PSD3: variants seen among roughly 807,000 people sequenced by gnomAD.
PSD3 encodes PH and SEC7 domain-containing protein 3.
A neutral mutation model predicts 105.5 loss-of-function variants in PSD3; 49 were observed. That is an observed-to-expected ratio of 0.46 (90% CI 0.37 to 0.59). The LOEUF is 0.59. Among genes scored for constraint, PSD3 ranks in the 20% least tolerant of loss-of-function variants. The pLI is 0.00. For synonymous variants in PSD3, 557 were observed against 457.8 expected, an observed-to-expected ratio of 1.22 and a Z score of -2.77; for missense variants, 1,561 against 1,263.8, an observed-to-expected ratio of 1.24 and a Z score of -3.57.
chr8:18,903,656 C>T (rs1481537222), intron 2 of PSD3, among the ~76,000 whole-genome samples: 1 of 152,166 alleles, frequency 6.6e-6, no homozygotes, highest in Non-Finnish European at 1.5e-5. Flanking sequence ...CTTAGCTCAG[C>T]CAGGGCACTG....
intron 2 of PSD3, among the ~76,000 whole-genome samples, chr8:18,880,001 T>A (rs954373015): frequency 6.6e-6 from 1 of 152,212 alleles, no homozygotes; most frequent in Non-Finnish European, 1.5e-5. Context: ...TTAATTATCA[T>A]GTCCCTAAGG....
chr8:19,047,109 A>G (rs2129476950), intron 1 of PSD3, among the ~76,000 whole-genome samples: 1 of 152,304 alleles, frequency 6.6e-6, no homozygotes, highest in African/African-American at 2.4e-5. Context: ...CTACACAGGG[A>G]CATAAATCTC....
chr8:18,771,616 T>C (rs1036526759), intron 8 of PSD3, among the ~76,000 whole-genome samples: 2 of 152,248 alleles, frequency 1.3e-5, no homozygotes, highest in African/African-American at 2.4e-5. Context: ...CCCCACCAAA[T>C]TGTTTTGAAA....
intron 9 of PSD3, among the ~76,000 whole-genome samples, chr8:18,701,972 T>C (rs1230104691): frequency 1.3e-5 from 2 of 152,168 alleles, no homozygotes; most frequent in Non-Finnish European, 2.9e-5. Flanking sequence ...TATGTGAAAT[T>C]ACATGAAAGA....
At chr8:18,722,626 T>C (rs561739397) in intron 9 of PSD3, among the ~76,000 whole-genome samples, 1 of 152,276 alleles carries the variant, frequency 6.6e-6, no homozygotes, top group Non-Finnish European at 1.5e-5. Flanking sequence ...ATATAATCAT[T>C]AGAGAAAGAT....
chr8:18,668,087 G>A (rs917899194), intron 9 of PSD3, among the ~76,000 whole-genome samples: 12 of 152,208 alleles, frequency 7.9e-5, no homozygotes, highest in South Asian at 2.1e-4. Flanking sequence ...CCAGCAAGCT[G>A]AGGGAGCCGG....
intron 15 of PSD3, among the ~76,000 whole-genome samples, chr8:18,553,859 T>C (rs986340072): frequency 6.6e-6 from 1 of 152,320 alleles, no homozygotes; most frequent in Admixed American, 6.5e-5. Context: ...GCCTTTCTGA[T>C]AGACACAGGT....
intron 9 of PSD3, among the ~76,000 whole-genome samples, chr8:18,748,830 C>G (rs1343080207): frequency 6.6e-6 from 1 of 152,088 alleles, no homozygotes; most frequent in Non-Finnish European, 1.5e-5. Flanking sequence ...AAGTAGGGTA[C>G]AAAGCCCACT....
intron 1 of PSD3, among the ~76,000 whole-genome samples, chr8:19,067,263 C>T (rs558617115): frequency 6.6e-6 from 1 of 152,276 alleles, no homozygotes; most frequent in South Asian, 2.1e-4. Flanking sequence ...CCTGAAATTT[C>T]CATGCCCTCT....
At chr8:18,682,790 A>C (rs542492826) in intron 9 of PSD3, among the ~76,000 whole-genome samples, 1 of 152,130 alleles carries the variant, frequency 6.6e-6, no homozygotes, top group East Asian at 1.9e-4. Flanking sequence ...GGGAGGTAGC[A>C]GAGGAGGAGG....
At chr8:18,869,599 G>C (rs978475348) in intron 3 of PSD3, among the ~76,000 whole-genome samples, 1 of 152,198 alleles carries the variant, frequency 6.6e-6, no homozygotes, top group Non-Finnish European at 1.5e-5. Context: ...GCAGCCTCCT[G>C]TGCACATGCT....
chr8:18,587,428 TTCA>T (rs1386702043), intron 12 of PSD3, among the ~76,000 whole-genome samples: 1 of 152,218 alleles, frequency 6.6e-6, no homozygotes, highest in African/African-American at 2.4e-5. Context: ...CATAATTTTT[TTCA>T]TCATCTTTCT....
At chr8:18,555,630 A>C (rs1801021947) in intron 15 of PSD3, among the ~76,000 whole-genome samples, 1 of 152,220 alleles carries the variant, frequency 6.6e-6, no homozygotes, top group African/African-American at 2.4e-5. Context: ...ACTTGGGTTT[A>C]AATTTTACAC....
chr8:18,866,893 T>TACACAC (rs34045400), intron 4 of PSD3, among the ~76,000 whole-genome samples: 8 of 146,862 alleles, frequency 5.4e-5, no homozygotes, highest in African/African-American at 2.0e-4. Flanking sequence ...CATACATACA[T>TACACAC]ACACACACAC....
chr8:18,576,965 A>ATAT (rs1422232204), intron 12 of PSD3, among the ~76,000 whole-genome samples: 3 of 151,340 alleles, frequency 2.0e-5, no homozygotes, highest in African/African-American at 7.3e-5. Context: ...CTTTGAATTA[A>ATAT]TATTTTGTTG....
chr8:19,072,395 G>A (rs538652260), intron 1 of PSD3, among the ~76,000 whole-genome samples: 32 of 152,234 alleles, frequency 2.1e-4, no homozygotes, highest in Non-Finnish European at 4.0e-4. Context: ...ATGGTTTTCT[G>A]AACATTTCTA....
chr8:18,538,592 T>G (rs1316277157), intron 15 of PSD3, among the ~76,000 whole-genome samples: 1 of 152,178 alleles, frequency 6.6e-6, no homozygotes, highest in African/African-American at 2.4e-5. Flanking sequence ...GCGTAAGGCA[T>G]ACGATTTCAT....
At chr8:18,992,988 A>G (rs748778374) in intron 1 of PSD3, among the ~76,000 whole-genome samples, 8 of 152,230 alleles carry the variant, frequency 5.3e-5, no homozygotes, top group Non-Finnish European at 1.0e-4. Flanking sequence ...AAAATCAGAA[A>G]TAGACACCTC....
intron 9 of PSD3, among the ~76,000 whole-genome samples, chr8:18,700,400 C>T (rs535675420): frequency 4.9e-4 from 75 of 152,198 alleles, no homozygotes; most frequent in Non-Finnish European, 9.4e-4. Context: ...TTCTAGAGTA[C>T]GGTTGTTTCT....
Sources: allele counts gnomAD v4.1 joint callset (sites outside exome capture counted in the v4.1 genomes callset), GRCh38; gene constraint gnomAD v4.1.1; transcripts MANE v1.5; gene names NCBI Gene and HGNC (gene_info 2026-07-23, HGNC 2026-07-21).